Variants in MAPK10 observed in about 807,000 individuals in gnomAD.
MAPK10 encodes the protein JNK3 alpha protein kinase.
Under a neutral mutation model 59.3 loss-of-function variants are expected in MAPK10, and 25 were observed. The ratio of observed to expected loss-of-function variants is 0.42; its 90% confidence interval spans 0.31 to 0.59. The LOEUF is 0.59. Ranked by LOEUF, MAPK10 falls within the 20% of genes least tolerant of loss-of-function variation. MAPK10 has a pLI of 0.15. For missense variants in MAPK10, 351 were observed against 568.9 expected, an observed-to-expected ratio of 0.62 and a Z score of 3.90; for synonymous variants, 190 against 200.5, an observed-to-expected ratio of 0.95 and a Z score of 0.44.
At chr4:86,572,325 A>G (rs1195376694) in intron 1 of MAPK10, among the ~76,000 whole-genome samples, 1 of 152,130 alleles carries the variant, frequency 6.6e-6, no homozygotes, top group Admixed American at 6.6e-5. Flanking sequence ...TTAGAATGCC[A>G]TTGTCTTCTT....
At chr4:86,072,317 A>G (rs2149006241) in intron 9 of MAPK10, among the ~76,000 whole-genome samples, 1 of 152,238 alleles carries the variant, frequency 6.6e-6, no homozygotes, top group South Asian at 2.1e-4. Context: ...TTTTCTAGAT[A>G]TACAATCATG....
intron 1 of MAPK10, among the ~76,000 whole-genome samples, chr4:86,386,592 T>C (rs551236982): frequency 2.0e-5 from 3 of 152,244 alleles, no homozygotes; most frequent in East Asian, 1.9e-4. Context: ...GTTTTTTTTT[T>C]CTTAAATTAT....
chr4:86,478,956 G>A (rs2149069762), intron 1 of MAPK10, among the ~76,000 whole-genome samples: 1 of 152,134 alleles, frequency 6.6e-6, no homozygotes, highest in Non-Finnish European at 1.5e-5. Flanking sequence ...AGATTATTCA[G>A]GCCCCCTCCC....
intron 4 of MAPK10, among the ~76,000 whole-genome samples, chr4:86,136,584 C>T (rs1168224780): frequency 2.5e-5 from 3 of 118,712 alleles, no homozygotes; most frequent in African/African-American, 1.0e-4. Context: ...AAAATCATGC[C>T]AAAATGTAAA....
At chr4:86,317,251 A>G (rs2095805918) in intron 2 of MAPK10, among the ~76,000 whole-genome samples, 1 of 152,036 alleles carries the variant, frequency 6.6e-6, no homozygotes. Context: ...TCTCTCTCCT[A>G]GTCTCAATTA....
chr4:86,372,564 G>GAAAGAAAAGAAAAGAAAAGA lies in MAPK10; in HGVS notation c.-121-17940_-121-17921dup, dbSNP rs1554253765. ...AGAAAGAAAGAAAGAAAGAAAGAAA[G>GAAAGAAAAGAAAAGAAAAGA]AAAGAAAAGAAAAGAAAAGAAAAGA... On this transcript the variant is annotated intron_variant, in intron 1 of 13. Transcript: ENST00000361569. Among the ~76,000 whole-genome samples, 262 of 78,608 alleles carry GAAAGAAAAGAAAAGAAAAGA rather than the reference G, an allele frequency of 3.3e-3. 6 individuals are homozygous for GAAAGAAAAGAAAAGAAAAGA. The highest frequency in any genetic ancestry group is 0.01 in the African/African-American group (234 of 22,502). 51.6% of individuals were successfully genotyped at this position (78,608 alleles called of 152,430 possible).
rs1751886603 is a variant in MAPK10 at position 86,463,072 on chromosome 4, C to T, written c.-262-108428G>A. Among the ~76,000 whole-genome samples the T allele has an allele frequency of 2.6e-5, 4 of 152,162 alleles. No individual in the cohort carries two copies. In the South Asian group the frequency reaches 8.3e-4, roughly 32 times the overall value. Reference sequence around the variant, plus strand: ...ACAATTAGAAAAAGGACACATAGCTCCAATATTTTCCCCTTGGAATTCTCC... The same window carrying T: ...ACAATTAGAAAAAGGACACATAGCTTCAATATTTTCCCCTTGGAATTCTCC... On this transcript the variant is annotated intron_variant, in intron 1 of 4. Transcript: ENST00000502302.
rs1156552298 is a variant in MAPK10 at position 86,265,422 on chromosome 4, T to C, written c.-6-71015A>G. On this transcript the variant is annotated intron_variant, in intron 2 of 13. Coordinates refer to ENST00000641462, the MANE Select transcript of MAPK10 (RefSeq NM_138982.4). ...TACTCAGGAGGCTGAGGCAGGAAAATCGCTTAAACCTGGGAGGCGGAGGTT... is the reference window on the plus strand; with the variant it reads ...TACTCAGGAGGCTGAGGCAGGAAAACCGCTTAAACCTGGGAGGCGGAGGTT... 3.3e-5 allele frequency among the ~76,000 whole-genome samples: 5 copies of C among 151,110 alleles called. No homozygotes were observed. In the East Asian group the frequency reaches 9.9e-4, roughly 30 times the overall value.
intron 2 of MAPK10, among the ~76,000 whole-genome samples, chr4:86,289,976 T>C (rs2148818979): frequency 6.6e-6 from 1 of 152,212 alleles, no homozygotes; most frequent in East Asian, 1.9e-4. Context: ...GGCTAAGAAT[T>C]GATTTTGGAC....
At chr4:86,490,085 A>G (rs1372508964) in intron 1 of MAPK10, among the ~76,000 whole-genome samples, 2 of 152,174 alleles carry the variant, frequency 1.3e-5, no homozygotes, top group Non-Finnish European at 2.9e-5. Context: ...GTTTTTTCCT[A>G]GTTAAATTCA....
At chr4:86,185,111 G>A (rs930505479) in intron 3 of MAPK10, among the ~76,000 whole-genome samples, 4 of 152,270 alleles carry the variant, frequency 2.6e-5, no homozygotes, top group Middle Eastern at 3.4e-3. Context: ...TAAACTTTGA[G>A]TTGGAAAGTT....
At chr4:86,056,365 T>C (rs1275825130) in intron 11 of MAPK10, among the ~76,000 whole-genome samples, 1 of 150,392 alleles carries the variant, frequency 6.6e-6, no homozygotes, top group East Asian at 1.9e-4. Flanking sequence ...TTGTAGCTCA[T>C]ATTTTTCCTT....
At chr4:86,127,038 C>T (rs1490801192) in intron 4 of MAPK10, among the ~76,000 whole-genome samples, 2 of 151,946 alleles carry the variant, frequency 1.3e-5, no homozygotes, top group African/African-American at 4.8e-5. Flanking sequence ...CCTCATCATC[C>T]TCATAAAATC....
chr4:86,163,016 A>T lies in MAPK10; in HGVS notation c.67-3549T>A, dbSNP rs1482810097. ...TTTGTGAATTCACACACACATAAACATATAATTTCCTTTCAAGTTTCTTCT... is the reference window on the plus strand; with the variant it reads ...TTTGTGAATTCACACACACATAAACTTATAATTTCCTTTCAAGTTTCTTCT... On this transcript the variant is annotated intron_variant, in intron 3 of 13. Coordinates refer to ENST00000641462, the MANE Select transcript of MAPK10 (RefSeq NM_138982.4). Among the ~76,000 whole-genome samples the T allele has an allele frequency of 2.0e-5, 3 of 152,172 alleles. No individual in the cohort carries two copies. In the East Asian group the frequency reaches 5.8e-4, roughly 29 times the overall value.
intron 1 of MAPK10, among the ~76,000 whole-genome samples, chr4:86,422,518 G>A (rs1405825266): frequency 1.3e-5 from 2 of 152,240 alleles, no homozygotes; most frequent in East Asian, 1.9e-4. Flanking sequence ...TACTGTATCC[G>A]CTTCCTGCTG....
intron 4 of MAPK10, among the ~76,000 whole-genome samples, chr4:86,141,182 G>A (rs1439272737): frequency 6.6e-6 from 1 of 152,136 alleles, no homozygotes; most frequent in Non-Finnish European, 1.5e-5. Flanking sequence ...CAACATACAA[G>A]TCAAGCTCAG....
At chr4:86,244,174 A>G (rs1026640629) in intron 2 of MAPK10, among the ~76,000 whole-genome samples, 4 of 152,228 alleles carry the variant, frequency 2.6e-5, no homozygotes, top group Non-Finnish European at 4.4e-5. Context: ...TAGCTCTTAG[A>G]TTACAACTGA....
intron 1 of MAPK10, among the ~76,000 whole-genome samples, chr4:86,547,398 G>C (rs962282459): frequency 2.0e-5 from 3 of 152,214 alleles, no homozygotes; most frequent in African/African-American, 4.8e-5. Flanking sequence ...CCCAGCAGTC[G>C]GCCGGCCCCA....
rs143523586 is a variant in MAPK10 at position 86,546,669 on chromosome 4, G to T, written c.-263+47241C>A. 6.5e-4 allele frequency among the ~76,000 whole-genome samples: 99 copies of T among 152,192 alleles called. 1 individual carries two copies. The Middle Eastern group carries it at 0.014, about 21-fold the overall frequency. ...GTGACTGCACAAGTCATATGCCCAT[G>T]AGGCCAGCCCTACTCCAAAATTAAG... On this transcript the variant is annotated intron_variant, in intron 1 of 4. Coordinates refer to the MAPK10 transcript ENST00000502302.
Sources: allele counts gnomAD v4.1 joint callset (sites outside exome capture counted in the v4.1 genomes callset), GRCh38; gene constraint gnomAD v4.1.1; transcripts MANE v1.5; gene names NCBI Gene and HGNC (gene_info 2026-07-23, HGNC 2026-07-21).